FNIP2: variants seen among roughly 807,000 people sequenced by gnomAD.
FNIP2 encodes the protein folliculin interacting protein 2, also known as folliculin-interacting protein 2.
Under a neutral mutation model 108.7 loss-of-function variants are expected in FNIP2, and 32 were observed. That is an observed-to-expected ratio of 0.29 (90% confidence interval 0.22 to 0.40). The LOEUF (loss-of-function observed/expected upper bound fraction) is 0.40. Ranked by LOEUF, FNIP2 falls within the 10% of genes least tolerant of loss-of-function variation. The pLI is 1.00. For synonymous variants in FNIP2, 480 were observed against 496.7 expected, an observed-to-expected ratio of 0.97 and a Z score of 0.45; for missense variants, 1,202 against 1,381.6, an observed-to-expected ratio of 0.87 and a Z score of 2.06.
intron 1 of FNIP2, among the ~76,000 whole-genome samples, chr4:158,792,372 C>CTTT (rs879390673): frequency 7.5e-6 from 1 of 134,172 alleles, no homozygotes; most frequent in African/African-American, 2.8e-5. Flanking sequence ...GAATTTAGTG[C>CTTT]TTTTTTTTTT....
intron 1 of FNIP2, among the ~76,000 whole-genome samples, chr4:158,819,970 A>G (rs188134626): frequency 4.6e-5 from 7 of 152,236 alleles, no homozygotes; most frequent in African/African-American, 9.6e-5. Flanking sequence ...ACTGCGTTTC[A>G]TAGGAGCAGG....
chr4:158,769,656 C>G (rs995641190), intron 1 of FNIP2, among the ~76,000 whole-genome samples: 6 of 152,186 alleles, frequency 3.9e-5, no homozygotes, highest in Non-Finnish European at 8.8e-5. Context: ...GGCAGAGCCG[C>G]CTGGGCACCT....
intron 1 of FNIP2, among the ~76,000 whole-genome samples, chr4:158,776,532 AT>A (rs1211788039): frequency 4.6e-5 from 7 of 152,328 alleles, no homozygotes; most frequent in African/African-American, 1.4e-4. Flanking sequence ...GTTATCATTC[AT>A]TTCTTCATTA....
At chr4:158,780,171 G>C (rs1183238024) in intron 1 of FNIP2, among the ~76,000 whole-genome samples, 9 of 151,424 alleles carry the variant, frequency 5.9e-5, no homozygotes, top group Non-Finnish European at 1.5e-5. Flanking sequence ...TCGCACCACT[G>C]TACTCTAGCC....
At chr4:158,838,290 G>A (rs1384211660) in intron 7 of FNIP2, among the ~76,000 whole-genome samples, 2 of 122,252 alleles carry the variant, frequency 1.6e-5, no homozygotes, top group Non-Finnish European at 3.2e-5. Context: ...GCACAGTCTT[G>A]GCTCACTGTA....
chr4:158,861,419 A>G lies in FNIP2; in HGVS notation c.1226A>G (p.Glu409Gly), dbSNP rs777788659. Reference protein sequence around the residue: ...VWLTMMSGTLEKNQLCQRFLK... With the variant: ...VWLTMMSGTLGKNQLCQRFLK... ...CTTACTATGATGTCCGGCACTTTGG[A>G]AAAAAACCAGCTCTGCCAGCGCTTT... The change falls in exon 11 of 17, where the codon GAA becomes GGA. Residue 409 changes from glutamate (E) to glycine (G), a missense_variant. Physicochemically the swap from Glu to Gly is moderately conservative, Grantham distance 98 (BLOSUM62 -2). Coordinates refer to ENST00000264433, the MANE Select transcript of FNIP2 (RefSeq NM_020840.3). The G allele has an allele frequency of 1.1e-5, 17 of 1,613,988 alleles. No homozygotes were observed. Among genetic ancestry groups the G allele is most frequent in the East Asian group, 4.5e-5 (2 of 44,892 alleles).
intron 14 of FNIP2, among the ~76,000 whole-genome samples, chr4:158,873,804 A>G (rs1560822080): frequency 6.6e-6 from 1 of 152,204 alleles, no homozygotes; most frequent in Non-Finnish European, 1.5e-5. Context: ...GCTGCCTTAA[A>G]TTAGTGTAAA....
intron 1 of FNIP2, among the ~76,000 whole-genome samples, chr4:158,816,004 A>G (rs972527677): frequency 6.6e-6 from 1 of 152,120 alleles, no homozygotes; most frequent in African/African-American, 2.4e-5. Context: ...TTTGTACATA[A>G]TCATTTTGTG....
intron 7 of FNIP2, among the ~76,000 whole-genome samples, chr4:158,839,815 G>A (rs1401807966): frequency 6.6e-6 from 1 of 152,136 alleles, no homozygotes; most frequent in Non-Finnish European, 1.5e-5. Context: ...AAGACAAGAT[G>A]CTCCAGAGTC....
intron 10 of FNIP2, among the ~76,000 whole-genome samples, chr4:158,860,949 C>T (rs979895744): frequency 6.6e-6 from 1 of 152,132 alleles, no homozygotes; most frequent in Non-Finnish European, 1.5e-5. Context: ...CCACCACGCC[C>T]GGCTGAGAAT....
chr4:158,806,207 A>C (rs1442672849), intron 1 of FNIP2: 1 of 1,275,336 alleles, frequency 7.8e-7, no homozygotes, highest in Non-Finnish European at 1.0e-6. Flanking sequence ...GTCCATGTTT[A>C]TGGTCAGGAT....
intron 14 of FNIP2, among the ~76,000 whole-genome samples, chr4:158,882,302 C>T (rs532614512): frequency 1.3e-5 from 2 of 151,160 alleles, no homozygotes; most frequent in South Asian, 2.1e-4. Flanking sequence ...GGAGCGTCTC[C>T]GCCCGGCAGC....
chr4:158,902,850 C>A (rs553414479), intron 16 of FNIP2, among the ~76,000 whole-genome samples: 3 of 152,162 alleles, frequency 2.0e-5, no homozygotes, highest in African/African-American at 7.2e-5. Context: ...CAACCTCAAA[C>A]GTCCCAGGTC....
intron 16 of FNIP2, among the ~76,000 whole-genome samples, chr4:158,902,239 C>A (rs1365328921): frequency 3.3e-5 from 5 of 152,096 alleles, no homozygotes; most frequent in Non-Finnish European, 7.3e-5. Flanking sequence ...TTCTAACAGG[C>A]CTGTCTGCTG....
chr4:158,886,330 C>A (rs2126760998), intron 14 of FNIP2, among the ~76,000 whole-genome samples: 1 of 152,298 alleles, frequency 6.6e-6, no homozygotes, highest in East Asian at 1.9e-4. Context: ...GACTGGCTGT[C>A]CACCTTAACA....
At position 158,859,190 on chromosome 4, in the gene FNIP2, G is replaced by A. The variant is rs761604559; in HGVS notation, c.991G>A (p.Asp331Asn). Residue 331 changes from aspartate to asparagine, a missense_variant, in exon 9 of 17, where the codon GAC becomes AAC. This residue lies in a region of FNIP2 where 878 missense variants were observed against 990.3 expected (regional missense o/e 0.89). Coordinates refer to ENST00000264433, the MANE Select transcript of FNIP2 (RefSeq NM_020840.3). ...EKEEAQRNFQ[D>N]FFFSHFPLFE... ...AGAAGAAGCACAAAGGAATTTCCAGGACTTCTTCTTTTCTCATTTTCCCCT... is the reference window on the plus strand; with the variant it reads ...AGAAGAAGCACAAAGGAATTTCCAGAACTTCTTCTTTTCTCATTTTCCCCT... The A allele has an allele frequency of 1.2e-6, 2 of 1,613,478 alleles. No homozygotes were observed. Among genetic ancestry groups the A allele is most frequent in the Non-Finnish European group, 1.7e-6 (2 of 1,179,666 alleles).
intron 1 of FNIP2, among the ~76,000 whole-genome samples, chr4:158,816,064 G>T (rs1172560457): frequency 1.3e-5 from 2 of 151,924 alleles, no homozygotes; most frequent in African/African-American, 2.4e-5. Flanking sequence ...AACTTGCTGG[G>T]TCACGAGTAT....
intron 1 of FNIP2, among the ~76,000 whole-genome samples, chr4:158,805,072 T>C (rs1776895547): frequency 6.6e-6 from 1 of 152,188 alleles, no homozygotes; most frequent in Non-Finnish European, 1.5e-5. Context: ...CTCACACTCA[T>C]GGAGTGAAAT....
At chr4:158,775,046 C>G (rs1422304259) in intron 1 of FNIP2, among the ~76,000 whole-genome samples, 1 of 152,052 alleles carries the variant, frequency 6.6e-6, no homozygotes, top group African/African-American at 2.4e-5. Flanking sequence ...CGTGGTTTGC[C>G]TGTAAGGTCA....
Sources: gnomAD v4.1 joint callset for allele counts (sites outside exome capture counted in the v4.1 genomes callset) on GRCh38, gnomAD v4.1.1 for gene constraint, gnomAD v4.1.1 regional missense constraint, MANE v1.5 for transcripts, NCBI Gene and HGNC (gene_info 2026-07-23, HGNC 2026-07-21) for gene names.